R3HDM1: variants seen among roughly 807,000 people sequenced by gnomAD.
R3HDM1 encodes R3H domain containing 1, also known as R3H domain-containing protein 1.
A neutral mutation model predicts 141.1 loss-of-function variants in R3HDM1; 46 were observed. That is an observed-to-expected ratio of 0.33 (90% CI 0.26 to 0.42). The LOEUF (loss-of-function observed/expected upper bound fraction) is 0.42, where lower values mean the gene tolerates loss of function less well. Ranked by LOEUF, R3HDM1 falls within the 10% of genes least tolerant of loss-of-function variation. The pLI is 1.00. For missense variants in R3HDM1, 1,184 were observed against 1,368.3 expected, an observed-to-expected ratio of 0.87 and a Z score of 2.12; for synonymous variants, 435 against 472.9, an observed-to-expected ratio of 0.92 and a Z score of 1.04.
Position 135,597,626 on chromosome 2 carries a change from G to T in R3HDM1, c.-249-4874G>T, listed in dbSNP as rs546232170. ...TGCTTGGTTATATTTCTGTCTCTAA[G>T]AGAAAAAACATAACATCTTATCTAA... On this transcript the variant is annotated intron_variant, in intron 1 of 26. Coordinates refer to ENST00000683871, the MANE Select transcript of R3HDM1 (RefSeq NM_001378107.1). Among the ~76,000 whole-genome samples the T allele has an allele frequency of 2.0e-5, 3 of 152,106 alleles. No homozygotes were observed. In the South Asian group the frequency reaches 6.2e-4, roughly 32 times the overall value.
chr2:135,591,639 C>T (rs1709301668), intron 1 of R3HDM1, among the ~76,000 whole-genome samples: 1 of 152,222 alleles, frequency 6.6e-6, no homozygotes, highest in South Asian at 2.1e-4. Context: ...TATGCACCCA[C>T]AATGACTTTT....
At chr2:135,679,066 CTTTTT>C (rs141175748) in intron 20 of R3HDM1, among the ~76,000 whole-genome samples, 897 of 70,608 alleles carry the variant, frequency 0.013, 9 homozygotes, top group African/African-American at 0.044. Context: ...GCCCGGCTTT[CTTTTT>C]TTTTTTTTTT....
chr2:135,619,424 T>C (rs2034277), intron 5 of R3HDM1, among the ~76,000 whole-genome samples: 4,882 of 152,268 alleles, frequency 0.032, 250 homozygotes, highest in African/African-American at 0.11. Context: ...ATAGATAATT[T>C]TTTGTGTTGA....
At chr2:135,607,758 A>T (rs1427026742) in intron 3 of R3HDM1, 1 of 782,038 alleles carries the variant, frequency 1.3e-6, no homozygotes, top group Non-Finnish European at 1.6e-6. Flanking sequence ...CCACAAGAAC[A>T]TTCTGATGAC....
At chr2:135,566,867 C>A in intron 1 of R3HDM1, 1 of 593,792 alleles carries the variant, frequency 1.7e-6, no homozygotes, top group Non-Finnish European at 2.1e-6. Flanking sequence ...AGCTACTTGG[C>A]AGGCTGGGGC....
At chr2:135,666,513 C>T (rs1439457658) in intron 19 of R3HDM1, among the ~76,000 whole-genome samples, 2 of 152,252 alleles carry the variant, frequency 1.3e-5, no homozygotes, top group East Asian at 3.9e-4. Flanking sequence ...CTTTTCCCTT[C>T]TCCATTAACC....
intron 21 of R3HDM1, among the ~76,000 whole-genome samples, chr2:135,697,558 CTACTA>C (rs1380137429): frequency 3.9e-5 from 6 of 152,148 alleles, no homozygotes; most frequent in African/African-American, 1.4e-4. Flanking sequence ...ATTTCAGACA[CTACTA>C]TACAACAAAG....
chr2:135,551,737 C>CG (rs1247915977), intron 1 of R3HDM1, among the ~76,000 whole-genome samples: 1 of 151,994 alleles, frequency 6.6e-6, no homozygotes, highest in Non-Finnish European at 1.5e-5. Context: ...TGTTTGAGAT[C>CG]GGGGGGTGTA....
At chr2:135,645,031 G>A (rs1335403534) in intron 15 of R3HDM1, among the ~76,000 whole-genome samples, 1 of 152,162 alleles carries the variant, frequency 6.6e-6, no homozygotes, top group African/African-American at 2.4e-5. Context: ...GCACTGAGGT[G>A]AGATTGTGCC....
intron 1 of R3HDM1, among the ~76,000 whole-genome samples, chr2:135,535,510 A>G (rs549873323): frequency 7.0e-6 from 1 of 143,726 alleles, no homozygotes; most frequent in Non-Finnish European, 1.5e-5. Flanking sequence ...AAATAAATAA[A>G]TAAATAAATA....
chr2:135,595,464 A>C (rs769333948), intron 1 of R3HDM1, among the ~76,000 whole-genome samples: 12 of 152,172 alleles, frequency 7.9e-5, no homozygotes, highest in Non-Finnish European at 2.9e-5. Flanking sequence ...TCTACCCCTT[A>C]CTAGTCTTGC....
chr2:135,644,333 T>G (rs2064139511), intron 15 of R3HDM1, among the ~76,000 whole-genome samples: 1 of 151,986 alleles, frequency 6.6e-6, no homozygotes, highest in Admixed American at 6.6e-5. Flanking sequence ...TGAAACCCCA[T>G]CTCTACTAAA....
intron 3 of R3HDM1, among the ~76,000 whole-genome samples, chr2:135,610,028 A>AG (rs2060388407): frequency 6.6e-6 from 1 of 152,100 alleles, no homozygotes; most frequent in Admixed American, 6.6e-5. Flanking sequence ...TGGGTGACAG[A>AG]GTGAGACCCT....
At position 135,680,232 on chromosome 2, in the gene R3HDM1, G is replaced by A. The variant is rs1235436339; in HGVS notation, c.2367G>A (p.Met789Ile). Residue 789 changes from methionine (M) to isoleucine (I), a missense_variant, in exon 21 of 27, where the codon ATG becomes ATA. Coordinates refer to ENST00000683871, the MANE Select transcript of R3HDM1 (RefSeq NM_001378107.1). ...ATCAGACTTATCAACAGCCTGTTAT[G>A]TTCCCTAATCAGTCTAATCAAGGAT... ...IPHQTYQQPVMFPNQSNQGSM... is the reference protein window; with the variant it reads ...IPHQTYQQPVIFPNQSNQGSM... 1.2e-6 allele frequency: 2 copies of A among 1,613,684 alleles called. No individual in the cohort carries two copies. Among genetic ancestry groups the A allele is most frequent in the Non-Finnish European group, 1.7e-6 (2 of 1,179,598 alleles).
chr2:135,660,725 A>C (rs930260198), intron 18 of R3HDM1, among the ~76,000 whole-genome samples: 5 of 152,062 alleles, frequency 3.3e-5, no homozygotes, highest in African/African-American at 1.2e-4. Flanking sequence ...ACATGCCTGT[A>C]ATCTCAGCTA....
At chr2:135,716,205 C>T (rs1032599563) in intron 24 of R3HDM1, among the ~76,000 whole-genome samples, 3 of 152,148 alleles carry the variant, frequency 2.0e-5, no homozygotes, top group Non-Finnish European at 4.4e-5. Flanking sequence ...GAGGCTGAAG[C>T]GGGAGGATCA....
chr2:135,541,656 T>C (rs987600892), intron 1 of R3HDM1, among the ~76,000 whole-genome samples: 2 of 152,096 alleles, frequency 1.3e-5, no homozygotes, highest in Non-Finnish European at 2.9e-5. Flanking sequence ...GGGTGTGATT[T>C]GTGGTCCCCT....
chr2:135,708,974 A>AAC (rs1465689742), intron 21 of R3HDM1, among the ~76,000 whole-genome samples: 2 of 151,872 alleles, frequency 1.3e-5, no homozygotes, highest in Non-Finnish European at 2.9e-5. Flanking sequence ...AAAAAAAAAA[A>AAC]AAAACTAACT....
intron 7 of R3HDM1, among the ~76,000 whole-genome samples, chr2:135,629,152 A>G (rs1250353483): frequency 6.6e-6 from 1 of 151,894 alleles, no homozygotes; most frequent in Non-Finnish European, 1.5e-5. Flanking sequence ...CCCTGTGACT[A>G]CTAAAAATAC....
Sources: allele counts gnomAD v4.1 joint callset (sites outside exome capture counted in the v4.1 genomes callset), GRCh38; gene constraint gnomAD v4.1.1; transcripts MANE v1.5; gene names NCBI Gene and HGNC (gene_info 2026-07-23, HGNC 2026-07-21).